Variants in MDGA2 observed in about 807,000 individuals in gnomAD.
MDGA2 encodes the protein MAM domain-containing glycosylphosphatidylinositol anchor protein 2.
A neutral mutation model predicts 117.8 loss-of-function variants in MDGA2; 40 were observed. That is an observed-to-expected ratio of 0.34 (90% CI 0.26 to 0.44). The LOEUF (loss-of-function observed/expected upper bound fraction) is 0.44. MDGA2 is among the 20% of genes least tolerant of loss of function. MDGA2 has a pLI of 1.00. For missense variants in MDGA2, 1,123 were observed against 1,250.6 expected, an observed-to-expected ratio of 0.90 and a Z score of 1.54; for synonymous variants, 452 against 439.0, an observed-to-expected ratio of 1.03 and a Z score of -0.37.
chr14:47,536,518 G>A (rs1391131859), intron 1 of MDGA2, among the ~76,000 whole-genome samples: 1 of 152,206 alleles, frequency 6.6e-6, no homozygotes, highest in Non-Finnish European at 1.5e-5. Context: ...GAGTTTACAA[G>A]TCCTCTATTG....
chr14:47,125,144 T>C (rs1426462869), intron 5 of MDGA2, among the ~76,000 whole-genome samples: 1 of 152,150 alleles, frequency 6.6e-6, no homozygotes, highest in Non-Finnish European at 1.5e-5. Context: ...GAGAAATTCA[T>C]ATGGCTAAGG....
At chr14:47,216,921 G>A (rs1479507100) in intron 3 of MDGA2, among the ~76,000 whole-genome samples, 1 of 151,938 alleles carries the variant, frequency 6.6e-6, no homozygotes, top group Non-Finnish European at 1.5e-5. Context: ...GGGATGAGGG[G>A]CAGGGGGCCT....
intron 1 of MDGA2, among the ~76,000 whole-genome samples, chr14:47,651,781 A>C (rs1363157600): frequency 6.6e-6 from 1 of 152,136 alleles, no homozygotes; most frequent in Non-Finnish European, 1.5e-5. Context: ...TCCCCAAATA[A>C]AGGTGACGAT....
intron 7 of MDGA2, among the ~76,000 whole-genome samples, chr14:47,044,762 A>G (rs1889197056): frequency 6.6e-6 from 1 of 152,216 alleles, no homozygotes; most frequent in South Asian, 2.1e-4. Flanking sequence ...CATTAAAAAC[A>G]AACATGAGGT....
Position 47,675,049 on chromosome 14 carries a change from C to T in MDGA2, c.-253G>A, listed in dbSNP as rs1056679509. The T allele has an allele frequency of 5.8e-6, 1 of 173,348 alleles. No homozygotes were observed. The allele number at this position is 173,348 out of a possible 1,614,324, so 10.7% of individuals were successfully genotyped here. On this transcript the variant is annotated 5_prime_UTR_variant, in exon 1 of 17. Transcript: ENST00000399232. ...GGCGCGGGCAGGGGGCCGGGGGTGC[C>T]GCGCGGTAGGAGCCTGGCTTGGACA...
Position 47,571,798 on chromosome 14 carries a change from C to A in MDGA2, c.280+102719G>T, listed in dbSNP as rs527689238. On this transcript the variant is annotated intron_variant, in intron 1 of 16. Transcript: ENST00000399232. ...GGGAGGCATAGCATTAGGAGAAATA[C>A]CTAATGTAGATGACGGGTTGATGGG... 1.8e-3 allele frequency among the ~76,000 whole-genome samples: 267 copies of A among 152,064 alleles called. 1 individual carries two copies. The highest frequency in any genetic ancestry group is 6.2e-3 in the African/African-American group (256 of 41,454).
chr14:46,882,313 CA>C (rs1882493107), intron 10 of MDGA2, 92 bp from the exon 11 acceptor site: 2 of 1,104,184 alleles, frequency 1.8e-6, no homozygotes, highest in Admixed American at 2.6e-5. Flanking sequence ...TTTATTAAAT[CA>C]AAAAGTACGT....
chr14:47,102,089 T>C (rs927474155), intron 5 of MDGA2, among the ~76,000 whole-genome samples: 1 of 152,194 alleles, frequency 6.6e-6, no homozygotes, highest in Non-Finnish European at 1.5e-5. Flanking sequence ...GCATCCTTTT[T>C]AAAATCTGAA....
At chr14:46,974,654 G>A (rs1886389258) in intron 8 of MDGA2, among the ~76,000 whole-genome samples, 1 of 152,148 alleles carries the variant, frequency 6.6e-6, no homozygotes, top group Admixed American at 6.6e-5. Flanking sequence ...AAATGGTGTT[G>A]TGAAAACTGG....
chr14:46,989,689 T>C (rs541067146), intron 8 of MDGA2, among the ~76,000 whole-genome samples: 2 of 152,206 alleles, frequency 1.3e-5, no homozygotes, highest in East Asian at 1.9e-4. Flanking sequence ...GATTGTGTTT[T>C]TTTCAGATTG....
intron 2 of MDGA2, among the ~76,000 whole-genome samples, chr14:47,290,906 TC>T (rs562235232): frequency 9.9e-5 from 15 of 152,108 alleles, no homozygotes; most frequent in Non-Finnish European, 1.9e-4. Context: ...TGCCCAGAAC[TC>T]CCTGACCAAG....
intron 8 of MDGA2, among the ~76,000 whole-genome samples, chr14:46,964,431 A>G (rs200486596): frequency 1.3e-5 from 2 of 152,360 alleles, no homozygotes; most frequent in East Asian, 3.9e-4. Context: ...TCAAAAGGAC[A>G]AGGAGGCAAA....
intron 10 of MDGA2, among the ~76,000 whole-genome samples, chr14:46,901,460 A>T (rs189057977): frequency 5.5e-4 from 84 of 152,328 alleles, no homozygotes; most frequent in African/African-American, 1.9e-3. Flanking sequence ...GTGCATACAA[A>T]AGTCAGTGGA....
intron 6 of MDGA2, among the ~76,000 whole-genome samples, chr14:47,093,937 G>C (rs925307098): frequency 6.6e-6 from 1 of 152,176 alleles, no homozygotes; most frequent in East Asian, 1.9e-4. Context: ...GATAAACCTA[G>C]ATTTCTATAT....
chr14:47,289,715 TTGAAACGCCC>T (rs1236024452), intron 2 of MDGA2, among the ~76,000 whole-genome samples: 1 of 152,160 alleles, frequency 6.6e-6, no homozygotes, highest in Admixed American at 6.6e-5. Flanking sequence ...TTCTTTCTTC[TTGAAACGCCC>T]TGATAATCTT....
chr14:47,004,829 A>G (rs905157750), intron 8 of MDGA2, among the ~76,000 whole-genome samples: 3 of 151,722 alleles, frequency 2.0e-5, no homozygotes, highest in Admixed American at 6.6e-5. Flanking sequence ...ATCATACAGC[A>G]TCACATTTTA....
Position 47,228,408 on chromosome 14 carries a change from C to T in MDGA2, c.421-10213G>A, listed in dbSNP as rs189087678. On this transcript the variant is annotated intron_variant, in intron 2 of 16. Transcript: ENST00000399232. ...TTTTGACTTTATGATGGTGTGAAAA[C>T]AATACACATTCAGTAGAAACTATAC... Among the ~76,000 whole-genome samples the T allele has an allele frequency of 4.6e-5, 7 of 152,164 alleles. No individual in the cohort carries two copies. The East Asian group carries it at 1.2e-3, about 25-fold the overall frequency.
At position 47,610,576 on chromosome 14, in the gene MDGA2, A is replaced by AAACAACAACAAC. The variant is rs569248521; in HGVS notation, c.280+63929_280+63940dup. On this transcript the variant is annotated intron_variant, in intron 1 of 16. Coordinates refer to ENST00000399232, the MANE Select transcript of MDGA2 (RefSeq NM_001113498.3). The stretch of plus-strand genomic sequence containing the variant: ...CCTTTTACAATAGCTAAAAACAAAC[A>AAACAACAACAAC]AACAACAACAACAACAACAACAACA... 3.2e-3 allele frequency among the ~76,000 whole-genome samples: 484 copies of AAACAACAACAAC among 151,640 alleles called. 3 individuals are homozygous for AAACAACAACAAC. Among genetic ancestry groups the AAACAACAACAAC allele is most frequent in the African/African-American group, 0.011 (461 of 41,402 alleles).
intron 5 of MDGA2, among the ~76,000 whole-genome samples, chr14:47,103,906 C>A (rs1566625982): frequency 6.6e-6 from 1 of 152,068 alleles, no homozygotes; most frequent in Non-Finnish European, 1.5e-5. Flanking sequence ...GATATCAGGC[C>A]CTGTGACAGT....
Sources: allele counts gnomAD v4.1 joint callset (sites outside exome capture counted in the v4.1 genomes callset), GRCh38; gene constraint gnomAD v4.1.1; transcripts MANE v1.5; gene names NCBI Gene and HGNC (gene_info 2026-07-23, HGNC 2026-07-21).